Variants in MAP2K4 observed in about 807,000 individuals in gnomAD.
The protein encoded by MAP2K4 is mitogen-activated protein kinase kinase 4.
Under a neutral mutation model 48.5 loss-of-function variants are expected in MAP2K4, and 4 were observed. The observed-to-expected ratio is 0.08, with a 90% CI of 0.04 to 0.19. MAP2K4 has a LOEUF of 0.19. Ranked by LOEUF, MAP2K4 falls within the 10% of genes least tolerant of loss-of-function variation. The probability of loss-of-function intolerance (pLI) is 1.00; values close to 1 mark genes in which losing one functional copy is unlikely to be tolerated. For missense variants in MAP2K4, 258 were observed against 493.3 expected (o/e 0.52, Z 4.52); for synonymous variants, 166 against 173.1 (o/e 0.96, Z 0.32).
chr17:12,131,276 G>A lies in MAP2K4; in HGVS notation c.1040+1989G>A, dbSNP rs1264768864. On this transcript the variant is annotated intron_variant, in intron 9 of 10. Coordinates refer to ENST00000353533, the MANE Select transcript of MAP2K4 (RefSeq NM_003010.4). The stretch of plus-strand genomic sequence containing the variant: ...TCTTTCTTGTTTTTTTGGAGATGGA[G>A]TCTCAGTTGCCCAGGCTGGAGTGTA... 1.9e-4 allele frequency among the ~76,000 whole-genome samples: 27 copies of A among 145,890 alleles called. No individual in the cohort carries two copies. In the Admixed American group the frequency reaches 1.9e-3, roughly 10 times the overall value.
At position 12,141,127 on chromosome 17, in the gene MAP2K4, TG is replaced by T; in HGVS notation, c.1087-19del. 6.5e-7 allele frequency: 1 copy of T among 1,537,786 alleles called. No homozygotes were observed. Among genetic ancestry groups the T allele is most frequent in the Non-Finnish European group, 9.0e-7 (1 of 1,110,648 alleles). Reference sequence around the variant, plus strand: ...CTGTCATACAAACTTTTGACTTTTTTGTTTTCAATTTTCTTGCAGAAACATC... The same window carrying T: ...CTGTCATACAAACTTTTGACTTTTTTTTTTCAATTTTCTTGCAGAAACATC... On this transcript the variant is annotated intron_variant, in intron 10 of 10. Transcript: ENST00000353533.
chr17:12,139,971 C>T (rs971282812), intron 10 of MAP2K4, 87 bp downstream of exon 10: 8 of 796,310 alleles, frequency 1.0e-5, no homozygotes, highest in Non-Finnish European at 1.6e-5. Context: ...CAGTGGGCCT[C>T]TCTGTCATAA....
At chr17:12,102,622 A>T (rs1453493646) in intron 4 of MAP2K4, among the ~76,000 whole-genome samples, 1 of 152,060 alleles carries the variant, frequency 6.6e-6, no homozygotes, top group African/African-American at 2.4e-5. Flanking sequence ...TAAGTATTTG[A>T]TGGAATTTAC....
chr17:12,125,488 G>T, intron 8 of MAP2K4, 117 bp downstream of exon 8: 3 of 751,336 alleles, frequency 4.0e-6, no homozygotes, highest in South Asian at 1.6e-5. Flanking sequence ...AGACACTATG[G>T]TTTTAAGTTG....
At chr17:12,111,067 C>T (rs1252904212) in intron 6 of MAP2K4, among the ~76,000 whole-genome samples, 2 of 152,170 alleles carry the variant, frequency 1.3e-5, no homozygotes, top group Non-Finnish European at 2.9e-5. Context: ...GTGCTAGACT[C>T]AGGGTAATGA....
intron 1 of MAP2K4, among the ~76,000 whole-genome samples, chr17:12,022,490 C>T (rs953553369): frequency 1.3e-5 from 2 of 152,100 alleles, no homozygotes; most frequent in South Asian, 2.1e-4. Flanking sequence ...GGCAAAATGA[C>T]AATTTAGGAT....
At chr17:12,138,452 T>G (rs1275362254) in intron 9 of MAP2K4, among the ~76,000 whole-genome samples, 3 of 150,114 alleles carry the variant, frequency 2.0e-5, no homozygotes, top group Non-Finnish European at 3.0e-5. Flanking sequence ...AGAAAATATA[T>G]TATTTATGAA....
Position 12,088,860 on chromosome 17 carries a change from A to G in MAP2K4, c.394-6715A>G, listed in dbSNP as rs546534243. 4.0e-3 allele frequency among the ~76,000 whole-genome samples: 607 copies of G among 150,568 alleles called. 4 individuals are homozygous for G. Among genetic ancestry groups the G allele is most frequent in the Non-Finnish European group, 6.7e-3 (451 of 67,760 alleles). On this transcript the variant is annotated intron_variant, in intron 3 of 10. Transcript: ENST00000353533. ...CTTGGGTGTGGTGGTTTTAGCCATC[A>G]TATAATTGGACAGGACAATTGGCAA...
chr17:12,062,065 C>T (rs74253535), intron 2 of MAP2K4, among the ~76,000 whole-genome samples: 4 of 147,146 alleles, frequency 2.7e-5, no homozygotes, highest in Non-Finnish European at 6.0e-5. Context: ...CCTCTCCCCC[C>T]CCTTTTTTTC....
At chr17:12,026,198 A>G (rs916826363) in intron 1 of MAP2K4, among the ~76,000 whole-genome samples, 17 of 152,168 alleles carry the variant, frequency 1.1e-4, no homozygotes, top group African/African-American at 3.9e-4. Context: ...TACTAGCCTG[A>G]ATGTGTGCTG....
At chr17:12,079,067 A>C (rs1971105185) in intron 2 of MAP2K4, among the ~76,000 whole-genome samples, 1 of 152,216 alleles carries the variant, frequency 6.6e-6, no homozygotes, top group African/African-American at 2.4e-5. Flanking sequence ...CTCCTCTTTT[A>C]GCAGCTTTGC....
rs1971187890 is a variant in MAP2K4, at chr17:12,081,601, T to C, written c.393+71T>C. 7 of 1,435,748 alleles carry C rather than the reference T, an allele frequency of 4.9e-6. No individual in the cohort carries two copies. The highest frequency in any genetic ancestry group is 6.7e-6 in the Non-Finnish European group (7 of 1,041,974). 88.9% of individuals were successfully genotyped at this position (1,435,748 alleles called of 1,614,324 possible). ...AAATTTCATGGTGCAGTAATACCAC[T>C]GTTGTTGTGTTCCTACTTTTGTGGT... is the stretch of plus-strand genomic sequence containing the variant. On this transcript the variant is annotated intron_variant, in intron 3 of 10. Coordinates refer to ENST00000353533, the MANE Select transcript of MAP2K4 (RefSeq NM_003010.4). This position sits in a 1 kb window ranked among gnomAD's most constrained non-coding sequence, Gnocchi z 4.2.
At chr17:12,040,695 G>T (rs1420464161) in intron 1 of MAP2K4, among the ~76,000 whole-genome samples, 2 of 152,166 alleles carry the variant, frequency 1.3e-5, no homozygotes, top group Non-Finnish European at 2.9e-5. Context: ...TTGGGAATCA[G>T]ATTGAGTCAT....
At chr17:12,099,431 GGTA>G (rs1227327420) in intron 4 of MAP2K4, among the ~76,000 whole-genome samples, 1 of 152,112 alleles carries the variant, frequency 6.6e-6, no homozygotes, top group African/African-American at 2.4e-5. Context: ...TGGATCAAAT[GGTA>G]GTTCCACTAA....
chr17:12,106,767 C>G (rs899139446), intron 4 of MAP2K4, among the ~76,000 whole-genome samples: 4 of 151,782 alleles, frequency 2.6e-5, no homozygotes, highest in African/African-American at 9.7e-5. Flanking sequence ...TCTGTGTATC[C>G]TGTACTTTTA....
At position 12,054,971 on chromosome 17, in the gene MAP2K4, A is replaced by C. The variant is rs746529594; in HGVS notation, c.198A>C (p.Thr66=). 4 of 1,610,680 alleles carry C rather than the reference A, an allele frequency of 2.5e-6. No homozygotes were observed. The highest frequency in any genetic ancestry group is 2.5e-6 in the Non-Finnish European group (3 of 1,177,462). Residue 66 remains threonine (T), a synonymous_variant, in exon 2 of 11, where the codon ACA becomes ACC. Coordinates refer to ENST00000353533, the MANE Select transcript of MAP2K4 (RefSeq NM_003010.4). The part of the protein sequence containing the change: ...TARFTLNPNP[T]GVQNPHIERL... ...GGTTTACTCTGAATCCCAATCCTAC[A>C]GGAGTTCAAAACCCACACATGTGAG...
intron 4 of MAP2K4, 103 bp from the exon 5 acceptor site, chr17:12,107,687 T>C (rs1972165580): frequency 4.1e-6 from 4 of 984,514 alleles, no homozygotes; most frequent in Admixed American, 5.3e-5. Context: ...ACATTTGAAA[T>C]AAGCAAGAAT....
intron 9 of MAP2K4, among the ~76,000 whole-genome samples, chr17:12,136,764 T>C (rs1973225054): frequency 6.6e-6 from 1 of 152,060 alleles, no homozygotes; most frequent in Non-Finnish European, 1.5e-5. Context: ...GTAGATGAAA[T>C]AGAAAAACAC....
chr17:12,102,920 A>C (rs1020021407), intron 4 of MAP2K4, among the ~76,000 whole-genome samples: 1 of 150,936 alleles, frequency 6.6e-6, no homozygotes, highest in Non-Finnish European at 1.5e-5. Context: ...TGATACTGGT[A>C]ATTTATGTCT....
Sources: allele counts gnomAD v4.1 joint callset (sites outside exome capture counted in the v4.1 genomes callset), GRCh38; gene constraint gnomAD v4.1.1; non-coding constraint Gnocchi (gnomAD v3.1); transcripts MANE v1.5; gene names NCBI Gene and HGNC (gene_info 2026-07-23, HGNC 2026-07-21).